The following EML6 variants were observed in gnomAD, a reference collection of about 807,000 sequenced individuals.
EML6 encodes EMAP like 6, also known as echinoderm microtubule-associated protein-like 6.
EML6 carries 154 observed loss-of-function variants against 240.1 expected under a neutral mutation model. That is an observed-to-expected ratio of 0.64 (90% CI 0.56 to 0.73). The LOEUF is 0.73. Among genes scored for constraint, EML6 ranks in the 30% least tolerant of loss-of-function variants. EML6 has a pLI of 0.00. For missense variants in EML6, 2,964 were observed against 2,474.6 expected, an observed-to-expected ratio of 1.20 and a Z score of -4.20; for synonymous variants, 1,148 against 899.0, an observed-to-expected ratio of 1.28 and a Z score of -4.95.
At position 54,928,724 on chromosome 2, in the gene EML6, A is replaced by G. The variant is rs1376125904; in HGVS notation, c.3977A>G (p.Gln1326Arg). ...ATGGAAGGCACCAAGCCACACCAGC[A>G]GCTGAAGGAAGTTTCCGTGGAAGAA... is the stretch of plus-strand genomic sequence containing the variant. ...REMEGTKPHQ[Q>R]LKEVSVEERP... The change falls in exon 28 of 42, where the codon CAG (glutamine) becomes CGG (arginine). Residue 1326 changes from glutamine to arginine, a missense_variant. Coordinates refer to ENST00000356458, the MANE Select transcript of EML6 (RefSeq NM_001039753.4). 1 of 1,551,822 alleles carries G rather than the reference A, an allele frequency of 6.4e-7. No individual in the cohort carries two copies. The highest frequency in any genetic ancestry group is 8.7e-7 in the Non-Finnish European group (1 of 1,147,074).
intron 17 of EML6, among the ~76,000 whole-genome samples, chr2:54,885,150 C>G (rs897636377): frequency 3.3e-5 from 5 of 151,428 alleles, no homozygotes; most frequent in Non-Finnish European, 7.4e-5. Flanking sequence ...GAGTGAGATG[C>G]TGTCTCAAAA....
chr2:54,809,361 G>A (rs1029497115), intron 2 of EML6, among the ~76,000 whole-genome samples: 3 of 152,150 alleles, frequency 2.0e-5, no homozygotes, highest in African/African-American at 7.2e-5. Context: ...GGCACTCTCC[G>A]CTTCTGTGAC....
intron 12 of EML6, among the ~76,000 whole-genome samples, chr2:54,860,331 A>G (rs1339069552): frequency 6.6e-6 from 1 of 152,184 alleles, no homozygotes; most frequent in Non-Finnish European, 1.5e-5. Context: ...TCGGTTTGAT[A>G]CAAGTGCTCA....
chr2:54,898,373 T>C (rs1672880448), intron 21 of EML6, among the ~76,000 whole-genome samples: 1 of 152,056 alleles, frequency 6.6e-6, no homozygotes, highest in African/African-American at 2.4e-5. Flanking sequence ...AGGGGCTCAG[T>C]CTATAGAAGA....
intron 12 of EML6, among the ~76,000 whole-genome samples, chr2:54,860,354 A>G (rs961576476): frequency 6.6e-6 from 1 of 152,138 alleles, no homozygotes; most frequent in Non-Finnish European, 1.5e-5. Flanking sequence ...CCTTCCAGGG[A>G]CTTCATCCCC....
intron 17 of EML6, among the ~76,000 whole-genome samples, chr2:54,883,404 T>G (rs60572901): frequency 0.045 from 6,924 of 152,284 alleles, 536 homozygotes; most frequent in African/African-American, 0.15. Context: ...CAAACATTCA[T>G]CAGTCTTCCT....
intron 2 of EML6, among the ~76,000 whole-genome samples, chr2:54,745,730 A>G (rs1029688844): frequency 1.3e-5 from 2 of 152,176 alleles, no homozygotes; most frequent in African/African-American, 4.8e-5. Flanking sequence ...GCAGTGAACC[A>G]TATTCACTCC....
At chr2:54,794,339 G>T (rs1049554371) in intron 2 of EML6, among the ~76,000 whole-genome samples, 2 of 152,144 alleles carry the variant, frequency 1.3e-5, no homozygotes, top group Middle Eastern at 3.4e-3. Flanking sequence ...GATTTCTATC[G>T]CCCTTTTCTC....
At chr2:54,800,690 G>A (rs1372371530) in intron 2 of EML6, among the ~76,000 whole-genome samples, 1 of 152,058 alleles carries the variant, frequency 6.6e-6, no homozygotes, top group Admixed American at 6.6e-5. Flanking sequence ...ATACTTGGAT[G>A]GGTAGATGGA....
At chr2:54,790,724 CTT>C (rs368684488) in intron 2 of EML6, among the ~76,000 whole-genome samples, 14,509 of 123,080 alleles carry the variant, frequency 0.12, 2,370 homozygotes, top group African/African-American at 0.42. Context: ...CTTAATTTTC[CTT>C]TTTTTTTTTT....
At chr2:54,808,368 T>A (rs565912141) in intron 2 of EML6, among the ~76,000 whole-genome samples, 1 of 152,128 alleles carries the variant, frequency 6.6e-6, no homozygotes. Flanking sequence ...CCCCCTTCAA[T>A]CCCCAAAGCA....
chr2:54,796,174 T>A (rs1015688337), intron 2 of EML6, among the ~76,000 whole-genome samples: 55 of 152,186 alleles, frequency 3.6e-4, no homozygotes, highest in African/African-American at 1.3e-3. Flanking sequence ...AGATATCATA[T>A]CTATCTATGA....
chr2:54,803,931 A>T (rs921477131), intron 2 of EML6, among the ~76,000 whole-genome samples: 14 of 152,206 alleles, frequency 9.2e-5, no homozygotes, highest in Non-Finnish European at 1.2e-4. Context: ...AGGAAATGGA[A>T]ATGATGAAAT....
Position 54,916,834 on chromosome 2 carries a change from G to A in EML6, c.3574G>A (p.Asp1192Asn), listed in dbSNP as rs972657970. Residue 1192 changes from aspartate to asparagine, a missense_variant, in exon 26 of 42, where the codon GAT becomes AAT. Coordinates refer to ENST00000356458, the MANE Select transcript of EML6 (RefSeq NM_001039753.4). ...TCEGIWPAHSDITDVNAASLT... is the reference protein window; with the variant it reads ...TCEGIWPAHSNITDVNAASLT... ...TGAGGGAATCTGGCCAGCACATAGCGATATAACTGACGTAAATGCTGCCAG... is the reference window on the plus strand; with the variant it reads ...TGAGGGAATCTGGCCAGCACATAGCAATATAACTGACGTAAATGCTGCCAG... The A allele has an allele frequency of 4.5e-6, 7 of 1,550,608 alleles. No individual in the cohort carries two copies. The highest frequency in any genetic ancestry group is 2.7e-5 in the African/African-American group (2 of 73,036).
chr2:54,877,645 A>G (rs1177276010), intron 16 of EML6, among the ~76,000 whole-genome samples: 2 of 152,256 alleles, frequency 1.3e-5, no homozygotes, highest in Non-Finnish European at 2.9e-5. Context: ...ACCTTGCCCA[A>G]TTTAAAGCCT....
intron 26 of EML6, among the ~76,000 whole-genome samples, chr2:54,923,367 G>GCACACACACA (rs113101367): frequency 0.024 from 3,504 of 144,332 alleles, 80 homozygotes; most frequent in Middle Eastern, 0.049. Context: ...CTCACCAAAC[G>GCACACACACA]CACACACACA....
At chr2:54,922,853 C>G (rs1024152848) in intron 26 of EML6, among the ~76,000 whole-genome samples, 2 of 150,218 alleles carry the variant, frequency 1.3e-5, no homozygotes, top group Non-Finnish European at 2.9e-5. Flanking sequence ...GTTGAACTCA[C>G]AGAAGTAGAG....
chr2:54,799,660 T>C lies in EML6; in HGVS notation c.198-13572T>C, dbSNP rs1439099521. On this transcript the variant is annotated intron_variant, in intron 2 of 41. Coordinates refer to ENST00000356458, the MANE Select transcript of EML6 (RefSeq NM_001039753.4). ...GCCCAGCTGTGCATGGTTGCTTTCATACTAGCATGGCAGAATTTTGTAGTT... is the reference window on the plus strand; with the variant it reads ...GCCCAGCTGTGCATGGTTGCTTTCACACTAGCATGGCAGAATTTTGTAGTT... Among the ~76,000 whole-genome samples the C allele has an allele frequency of 3.3e-5, 5 of 152,214 alleles. No individual in the cohort carries two copies. The East Asian group carries it at 9.6e-4, about 29-fold the overall frequency.
intron 2 of EML6, among the ~76,000 whole-genome samples, chr2:54,783,581 G>T (rs2103861091): frequency 1.3e-5 from 2 of 152,252 alleles, no homozygotes; most frequent in South Asian, 4.1e-4. Flanking sequence ...ATCTGGTGTG[G>T]CAAGGAAAGA....
Sources: gnomAD v4.1 joint callset for allele counts (sites outside exome capture counted in the v4.1 genomes callset) on GRCh38, gnomAD v4.1.1 for gene constraint, MANE v1.5 for transcripts, NCBI Gene and HGNC (gene_info 2026-07-23, HGNC 2026-07-21) for gene names.